FUT8: variants seen among roughly 807,000 people sequenced by gnomAD.
The protein encoded by FUT8 is fucosyltransferase 8.
In FUT8, 29 loss-of-function variants were observed where a neutral mutation model predicts 71.3. That is an observed-to-expected ratio of 0.41 (90% CI 0.30 to 0.55). The LOEUF (loss-of-function observed/expected upper bound fraction) is 0.55. FUT8 is among the 20% of genes least tolerant of loss of function. FUT8 has a pLI of 0.34. For missense variants in FUT8, 544 were observed against 702.1 expected (o/e 0.77, Z 2.55); for synonymous variants, 254 against 239.3 (o/e 1.06, Z -0.57).
intron 3 of FUT8, among the ~76,000 whole-genome samples, chr14:65,584,181 T>G (rs1277248451): frequency 1.1e-4 from 1 of 8,702 alleles, no homozygotes; most frequent in African/African-American, 1.8e-4. Context: ...CGCCCAGCCT[T>G]TTTTTTTTTT....
chr14:65,680,112 CAAGT>C (rs1892965284), intron 7 of FUT8, among the ~76,000 whole-genome samples: 1 of 152,092 alleles, frequency 6.6e-6, no homozygotes, highest in Non-Finnish European at 1.5e-5. Flanking sequence ...ACACAGTTAT[CAAGT>C]CTGAGAAGTT....
chr14:65,639,483 T>A (rs1594848107), intron 6 of FUT8, among the ~76,000 whole-genome samples: 2 of 149,260 alleles, frequency 1.3e-5, no homozygotes, highest in Non-Finnish European at 3.0e-5. Flanking sequence ...AGCTTAAACT[T>A]CCTGTGAGTA....
chr14:65,649,315 T>C (rs775826428), intron 6 of FUT8, among the ~76,000 whole-genome samples: 1 of 152,350 alleles, frequency 6.6e-6, no homozygotes, highest in East Asian at 1.9e-4. Context: ...GGGGATGTTT[T>C]GGTGGGAAGG....
intron 6 of FUT8, among the ~76,000 whole-genome samples, chr14:65,641,598 A>G (rs893574690): frequency 1.3e-5 from 2 of 152,044 alleles, no homozygotes; most frequent in African/African-American, 4.8e-5. Context: ...ACTGTTTACA[A>G]AAGTGATTGT....
the FUT8 span, among the ~76,000 whole-genome samples, chr14:65,368,017 T>TA: frequency 2.7e-5 from 4 of 147,584 alleles, no homozygotes; most frequent in East Asian, 2.0e-4. Context: ...AGTAACCACT[T>TA]AAAAAAAAAG....
chr14:65,539,497 G>C (rs1884548544), intron 2 of FUT8, among the ~76,000 whole-genome samples: 1 of 152,156 alleles, frequency 6.6e-6, no homozygotes, highest in African/African-American at 2.4e-5. Context: ...CTAGCTTGTA[G>C]GGATTTGAAT....
At chr14:65,492,051 G>C (rs1337467054) in intron 2 of FUT8, among the ~76,000 whole-genome samples, 1 of 152,108 alleles carries the variant, frequency 6.6e-6, no homozygotes, top group Non-Finnish European at 1.5e-5. Context: ...TTTTGAATTA[G>C]TTACTTGGAC....
At chr14:65,680,297 C>G (rs1892975463) in intron 7 of FUT8, among the ~76,000 whole-genome samples, 1 of 152,224 alleles carries the variant, frequency 6.6e-6, no homozygotes, top group African/African-American at 2.4e-5. Flanking sequence ...AAGATATTCT[C>G]TTATGTTTTC....
At chr14:65,556,100 A>G (rs374345675) in intron 2 of FUT8, among the ~76,000 whole-genome samples, 1 of 152,216 alleles carries the variant, frequency 6.6e-6, no homozygotes, top group South Asian at 2.1e-4. Context: ...CTTTTAACCT[A>G]CTAGAGGAGG....
chr14:65,502,788 C>A (rs1370851451), intron 2 of FUT8, among the ~76,000 whole-genome samples: 1 of 152,202 alleles, frequency 6.6e-6, no homozygotes, highest in Non-Finnish European at 1.5e-5. Flanking sequence ...AAAATTCCCC[C>A]TCCTGCAGAG....
intron 7 of FUT8, among the ~76,000 whole-genome samples, chr14:65,690,148 C>T (rs890690356): frequency 1.3e-5 from 2 of 152,156 alleles, no homozygotes; most frequent in African/African-American, 4.8e-5. Flanking sequence ...TATCTTTTCT[C>T]CATTGGATTG....
the FUT8 span, among the ~76,000 whole-genome samples, chr14:65,381,602 A>G: frequency 6.6e-6 from 1 of 152,164 alleles, no homozygotes; most frequent in Non-Finnish European, 1.5e-5. Context: ...CTCAGCAGTC[A>G]TTCATACCTT....
chr14:65,566,340 A>C (rs559735693), intron 3 of FUT8, among the ~76,000 whole-genome samples: 10 of 152,130 alleles, frequency 6.6e-5, no homozygotes, highest in Admixed American at 6.6e-4. Flanking sequence ...CCATATTCAA[A>C]AATGGAAGAA....
chr14:65,478,788 A>C (rs148120533), intron 2 of FUT8, among the ~76,000 whole-genome samples: 1 of 152,220 alleles, frequency 6.6e-6, no homozygotes, highest in African/African-American at 2.4e-5. Context: ...TGTTCAGCCT[A>C]TAAAGCTTAC....
the FUT8 span, among the ~76,000 whole-genome samples, chr14:65,374,137 G>C: frequency 6.6e-6 from 1 of 152,124 alleles, no homozygotes; most frequent in Non-Finnish European, 1.5e-5. Flanking sequence ...TCTTAATATT[G>C]TTTATTTCTC....
intron 2 of FUT8, among the ~76,000 whole-genome samples, chr14:65,521,822 G>A (rs1180186099): frequency 6.6e-6 from 1 of 151,498 alleles, no homozygotes; most frequent in East Asian, 1.9e-4. Flanking sequence ...CACATGGCAG[G>A]CAATTTGTTG....
At chr14:65,678,004 T>C (rs1444552040) in intron 7 of FUT8, among the ~76,000 whole-genome samples, 1 of 152,224 alleles carries the variant, frequency 6.6e-6, no homozygotes, top group Non-Finnish European at 1.5e-5. Flanking sequence ...CAGAAGTTAT[T>C]AGCTGTGTTA....
chr14:65,624,024 C>T (rs1489071832), intron 5 of FUT8, among the ~76,000 whole-genome samples: 1 of 152,128 alleles, frequency 6.6e-6, no homozygotes, highest in African/African-American at 2.4e-5. Flanking sequence ...CTATGGTTCC[C>T]TTGCTGATTT....
At chr14:65,639,506 C>CCACACA (rs1890727744) in intron 6 of FUT8, among the ~76,000 whole-genome samples, 1 of 92,958 alleles carries the variant, frequency 1.1e-5, no homozygotes. Context: ...GTCTTCAAAT[C>CCACACA]CAGACACACA....
Sources: allele counts gnomAD v4.1 joint callset (sites outside exome capture counted in the v4.1 genomes callset), GRCh38; gene constraint gnomAD v4.1.1; transcripts MANE v1.5; gene names NCBI Gene and HGNC (gene_info 2026-07-23, HGNC 2026-07-21).